DENND2C: variants seen among roughly 807,000 people sequenced by gnomAD.
DENND2C encodes the protein DENN domain containing 2C.
DENND2C carries 72 observed loss-of-function variants against 112.4 expected under a neutral mutation model. That is an observed-to-expected ratio of 0.64 (90% CI 0.53 to 0.78). The LOEUF is 0.78. Ranked by LOEUF, DENND2C falls within the 30% of genes least tolerant of loss-of-function variation. DENND2C has a pLI of 0.00. For missense variants in DENND2C, 992 were observed against 1,113.8 expected, an observed-to-expected ratio of 0.89 and a Z score of 1.56; for synonymous variants, 329 against 381.6, an observed-to-expected ratio of 0.86 and a Z score of 1.61.
Position 114,594,464 on chromosome 1 carries a change from G to T in DENND2C, c.2431+9C>A. On this transcript the variant is annotated intron_variant, in intron 18 of 20. Transcript: ENST00000393274. ...TTAACCTTAAGTCCTTGGCTCACTT[G>T]TCTCATACCTTGTGAAAAATTCTGC... is the stretch of plus-strand genomic sequence containing the variant. The T allele has an allele frequency of 6.2e-7, 1 of 1,609,378 alleles. No homozygotes were observed. The highest frequency in any genetic ancestry group is 8.5e-7 in the Non-Finnish European group (1 of 1,175,868).
In DENND2C at chr1:114,587,821, A is replaced by T. The variant is rs1289879312; in HGVS notation, c.2563T>A (p.Ser855Thr). 1 of 1,614,152 alleles carries T rather than the reference A, an allele frequency of 6.2e-7. No homozygotes were observed. Among genetic ancestry groups the T allele is most frequent in the East Asian group, 2.2e-5 (1 of 44,882 alleles). The change falls in exon 19 of 21, where the codon TCC (serine) becomes ACC (threonine). Residue 855 changes from serine (S) to threonine (T), a missense_variant. Ser to Thr is a moderately conservative substitution (Grantham distance 58, BLOSUM62 1). Coordinates refer to ENST00000393274, the MANE Select transcript of DENND2C (RefSeq NM_001256404.2). The part of the protein sequence containing the change: ...RVFQREPFRK[S>T]HTSRSVRHFL... ...TGGCGTACACTTCGGGAGGTGTGGGACTTACGGAATGGTTCCCTTTGGAAA... is the reference window on the plus strand; with the variant it reads ...TGGCGTACACTTCGGGAGGTGTGGGTCTTACGGAATGGTTCCCTTTGGAAA...
intron 17 of DENND2C, chr1:114,595,568 T>C (rs995420858): frequency 2.7e-6 from 1 of 367,042 alleles, no homozygotes; most frequent in South Asian, 4.2e-5. Flanking sequence ...TCGACCCACC[T>C]GGAGTTGAAG....
intron 1 of DENND2C, among the ~76,000 whole-genome samples, chr1:114,656,074 CTT>C (rs372647406): frequency 6.6e-6 from 1 of 150,628 alleles, no homozygotes; most frequent in Non-Finnish European, 1.5e-5. Context: ...CAATTTTTTT[CTT>C]TTTTTTCGGA....
rs1656249903 is a variant in DENND2C, at chr1:114,623,646, TA to T, written c.807-4del. The T allele has an allele frequency of 6.3e-7, 1 of 1,582,932 alleles. No individual in the cohort carries two copies. Among genetic ancestry groups the T allele is most frequent in the Non-Finnish European group, 8.6e-7 (1 of 1,167,620 alleles). ...TATCCTCAAATTCAAAGGATTTCCT[TA>T]AAAAAGGAGATATATTTTAAAGTTA... On this transcript the variant is annotated splice_polypyrimidine_tract_variant and splice_region_variant and intron_variant, in intron 4 of 20. Transcript: ENST00000393274.
At chr1:114,630,706 CAT>C (rs1255248769) in intron 3 of DENND2C, among the ~76,000 whole-genome samples, 1 of 152,202 alleles carries the variant, frequency 6.6e-6, no homozygotes, top group Non-Finnish European at 1.5e-5. Context: ...CAGAAATCTA[CAT>C]AGAGTCCCCT....
In DENND2C at chr1:114,586,728, T is replaced by C. The variant is rs574955775; in HGVS notation, c.2755+659A>G. 78 of 150,990 alleles carry C rather than the reference T, an allele frequency of 5.2e-4. 1 individual carries two copies. Among genetic ancestry groups the C allele is most frequent in the African/African-American group, 1.8e-3 (76 of 41,442 alleles). The allele number at this position is 150,990 out of a possible 1,614,324, so 9.4% of individuals were successfully genotyped here. ...TTTATTTTTTATTTATTTTTATTTA[T>C]TTTTTTAATTTTTATTTATTTATTT... On this transcript the variant is annotated intron_variant, in intron 20 of 20. Coordinates refer to ENST00000393274, the MANE Select transcript of DENND2C (RefSeq NM_001256404.2).
At chr1:114,595,676 C>A in intron 17 of DENND2C, 156 bp downstream of exon 17, 2 of 645,456 alleles carry the variant, frequency 3.1e-6, no homozygotes, top group South Asian at 2.0e-5. Context: ...TCAGGTCAAT[C>A]TTGCATGATT....
At chr1:114,665,435 A>T (rs1325279162) in intron 1 of DENND2C, among the ~76,000 whole-genome samples, 1 of 152,214 alleles carries the variant, frequency 6.6e-6, no homozygotes, top group Non-Finnish European at 1.5e-5. Flanking sequence ...GGCAATACAG[A>T]CAGTCCCTGA....
chr1:114,663,539 A>AT (rs560158293), intron 1 of DENND2C, among the ~76,000 whole-genome samples: 14 of 150,846 alleles, frequency 9.3e-5, no homozygotes, highest in South Asian at 4.2e-4. Context: ...AAGAACCATG[A>AT]TTTTTTTTTT....
At chr1:114,597,542 G>A (rs1259225350) in intron 16 of DENND2C, among the ~76,000 whole-genome samples, 1 of 152,046 alleles carries the variant, frequency 6.6e-6, no homozygotes, top group African/African-American at 2.4e-5. Flanking sequence ...AGCACTTTGG[G>A]AGGCCGAAGA....
In DENND2C at chr1:114,587,477, C is replaced by T. The variant is rs780151212; in HGVS notation, c.2669-4G>A. The T allele has an allele frequency of 1.9e-6, 3 of 1,613,964 alleles. No individual in the cohort carries two copies. The highest frequency in any genetic ancestry group is 2.7e-5 in the African/African-American group (2 of 74,910). On this transcript the variant is annotated splice_region_variant and splice_polypyrimidine_tract_variant and intron_variant, in intron 19 of 20. Transcript: ENST00000393274. ...ATGGCCCGGATCTCAAACAAACCTA[C>T]AAGGAAAAACTCATGTTGGTGAAAC...
In DENND2C at chr1:114,599,443, G is replaced by C; in HGVS notation, c.2114C>G (p.Ser705Ter). The change falls in exon 16 of 21, where the codon TCA (serine) becomes TGA (stop). Residue 705 changes from serine to a stop codon, truncating the protein, a stop_gained. Transcript: ENST00000393274. LOFTEE classifies it high-confidence loss of function. The stretch of plus-strand genomic sequence containing the variant: ...AGCTACCACAGCATGGCCACATTTT[G>C]ACAGGGTGCTAGCCAGAGGAGAAAA... ...IFVANSLSTLSKCGHAVVATL... is the reference protein window; with the variant it reads ...IFVANSLSTL 6.2e-7 allele frequency: 1 copy of C among 1,613,492 alleles called. No individual in the cohort carries two copies. Among genetic ancestry groups the C allele is most frequent in the South Asian group, 1.1e-5 (1 of 91,012 alleles).
chr1:114,614,201 C>T (rs1000740613), intron 8 of DENND2C, among the ~76,000 whole-genome samples: 10 of 148,986 alleles, frequency 6.7e-5, no homozygotes, highest in African/African-American at 2.5e-4. Flanking sequence ...CATTGCACCC[C>T]AGCCTGTGTG....
intron 1 of DENND2C, among the ~76,000 whole-genome samples, chr1:114,664,451 A>G (rs973798389): frequency 6.6e-6 from 1 of 152,048 alleles, no homozygotes; most frequent in Admixed American, 6.5e-5. Flanking sequence ...CATCTCTACA[A>G]AAGAAAAAAA....
Position 114,625,702 on chromosome 1 carries a change from T to C in DENND2C, c.283A>G (p.Asn95Asp). Residue 95 changes from asparagine to aspartate, a missense_variant, in exon 4 of 21, where the codon AAT becomes GAT. By Grantham distance (23) the Asn-to-Asp change is conservative (BLOSUM62 1). Coordinates refer to ENST00000393274, the MANE Select transcript of DENND2C (RefSeq NM_001256404.2). ...ENTKSHDQSE[N>D]ENKKHEYDDT... ...TCATATTCATGTTTCTTATTTTCAT[T>C]CTCACTTTGATCATGGCTTTTGGTA... 1 of 1,614,112 alleles carries C rather than the reference T, an allele frequency of 6.2e-7. No individual in the cohort carries two copies. Among genetic ancestry groups the C allele is most frequent in the South Asian group, 1.1e-5 (1 of 91,080 alleles).
chr1:114,621,820 G>T, intron 7 of DENND2C, 75 bp downstream of exon 7: 1 of 1,520,258 alleles, frequency 6.6e-7, no homozygotes, highest in Non-Finnish European at 8.9e-7. Context: ...ATTCATTTCG[G>T]TCTAAAGTTT....
intron 3 of DENND2C, among the ~76,000 whole-genome samples, chr1:114,645,174 AG>A (rs1656944201): frequency 6.6e-6 from 1 of 152,144 alleles, no homozygotes; most frequent in African/African-American, 2.4e-5. Flanking sequence ...CTTGGTTCTA[AG>A]GGTGTTATAG....
chr1:114,612,093 G>A (rs1021739662), intron 8 of DENND2C, among the ~76,000 whole-genome samples: 1 of 152,030 alleles, frequency 6.6e-6, no homozygotes, highest in Non-Finnish European at 1.5e-5. Flanking sequence ...AAGGAATAAA[G>A]GGTGGGAATA....
intron 1 of DENND2C, among the ~76,000 whole-genome samples, chr1:114,659,402 T>C (rs778274668): frequency 1.3e-5 from 2 of 152,088 alleles, no homozygotes; most frequent in Non-Finnish European, 2.9e-5. Flanking sequence ...CTTTGGAAGC[T>C]GAGGCAGGAG....
Sources: allele counts gnomAD v4.1 joint callset (sites outside exome capture counted in the v4.1 genomes callset), GRCh38; gene constraint gnomAD v4.1.1; transcripts MANE v1.5; gene names NCBI Gene and HGNC (gene_info 2026-07-23, HGNC 2026-07-21).